FGF14: variants seen among roughly 807,000 people sequenced by gnomAD.
FGF14 encodes fibroblast growth factor 14.
FGF14 carries 5 observed loss-of-function variants against 25.5 expected under a neutral mutation model. The observed-to-expected ratio is 0.20, with a 90% CI of 0.10 to 0.41. The LOEUF (loss-of-function observed/expected upper bound fraction) is 0.41, where lower values mean the gene tolerates loss of function less well. FGF14 is among the 10% of genes least tolerant of loss of function. The probability of loss-of-function intolerance (pLI) is 1.00; values close to 1 mark genes in which losing one functional copy is unlikely to be tolerated. For synonymous variants in FGF14, 138 were observed against 118.3 expected (o/e 1.17, Z -1.08); for missense variants, 222 against 320.1 (o/e 0.69, Z 2.34).
At chr13:101,740,313 G>T (rs567758381) in intron 3 of FGF14, among the ~76,000 whole-genome samples, 1 of 152,236 alleles carries the variant, frequency 6.6e-6, no homozygotes, top group African/African-American at 2.4e-5. Flanking sequence ...TTTTAAGCAG[G>T]AACATGTCAC....
At chr13:102,353,017 A>T (rs1010202942) in intron 1 of FGF14, among the ~76,000 whole-genome samples, 3 of 152,138 alleles carry the variant, frequency 2.0e-5, no homozygotes, top group Non-Finnish European at 4.4e-5. Context: ...TTCTATAAAC[A>T]CTATGTGAAT....
chr13:102,368,120 G>A (rs1594964658), intron 1 of FGF14: 1 of 152,284 alleles, frequency 6.6e-6, no homozygotes, highest in East Asian at 1.9e-4. Context: ...TAAACTTTGT[G>A]TGAGCGAAAA....
At chr13:102,358,746 C>A (rs987862708) in intron 1 of FGF14, among the ~76,000 whole-genome samples, 1 of 152,076 alleles carries the variant, frequency 6.6e-6, no homozygotes, top group Non-Finnish European at 1.5e-5. Flanking sequence ...ATAAAATTTT[C>A]TTTTTCAAAT....
At chr13:102,238,985 T>C (rs1321259585) in intron 1 of FGF14, among the ~76,000 whole-genome samples, 1 of 151,040 alleles carries the variant, frequency 6.6e-6, no homozygotes, top group Non-Finnish European at 1.5e-5. Flanking sequence ...CTTAATGGAG[T>C]GGAAAGCATG....
At chr13:102,204,951 A>G (rs1319340458) in intron 1 of FGF14, among the ~76,000 whole-genome samples, 1 of 152,224 alleles carries the variant, frequency 6.6e-6, no homozygotes, top group African/African-American at 2.4e-5. Flanking sequence ...GCATTCTACA[A>G]AAAGAGATAA....
chr13:102,277,519 A>ATTCCCT (rs901436330), intron 1 of FGF14, among the ~76,000 whole-genome samples: 1 of 152,178 alleles, frequency 6.6e-6, no homozygotes, highest in Non-Finnish European at 1.5e-5. Flanking sequence ...TTTAGACACT[A>ATTCCCT]TTCCCTTTCC....
intron 1 of FGF14, among the ~76,000 whole-genome samples, chr13:102,131,471 T>C (rs1275126133): frequency 2.0e-5 from 3 of 152,168 alleles, no homozygotes; most frequent in Non-Finnish European, 4.4e-5. Flanking sequence ...TCCATGATCC[T>C]CTCCCCTCCC....
intron 1 of FGF14, among the ~76,000 whole-genome samples, chr13:102,277,272 C>T (rs1428027028): frequency 6.6e-6 from 1 of 152,230 alleles, no homozygotes; most frequent in East Asian, 1.9e-4. Flanking sequence ...TTTAAATTTG[C>T]ACATTCCTCA....
chr13:101,930,154 T>C (rs915182245), intron 1 of FGF14, among the ~76,000 whole-genome samples: 8 of 152,176 alleles, frequency 5.3e-5, no homozygotes, highest in African/African-American at 1.9e-4. Context: ...TTCAAAGACA[T>C]GAAATAGTTC....
At chr13:101,889,269 G>A (rs144161662) in intron 1 of FGF14, among the ~76,000 whole-genome samples, 44 of 152,250 alleles carry the variant, frequency 2.9e-4, no homozygotes, top group African/African-American at 9.9e-4. Flanking sequence ...CACGTTCACC[G>A]ATTTAGAGAC....
At chr13:102,326,697 A>AG (rs1490267550) in intron 1 of FGF14, among the ~76,000 whole-genome samples, 658 of 36,542 alleles carry the variant, frequency 0.018, 8 homozygotes, top group African/African-American at 0.071. Context: ...AGGGAAGGGA[A>AG]GGAAGGAAGG....
intron 1 of FGF14, among the ~76,000 whole-genome samples, chr13:102,320,277 A>G (rs76412470): frequency 6.6e-5 from 10 of 151,976 alleles, no homozygotes; most frequent in Non-Finnish European, 1.3e-4. Context: ...AAAAAAAAAA[A>G]ATGACCCTCA....
At chr13:102,378,631 C>CTATATATATA (rs750576641) in intron 1 of FGF14, among the ~76,000 whole-genome samples, 2 of 141,826 alleles carry the variant, frequency 1.4e-5, no homozygotes, top group African/African-American at 5.3e-5. Flanking sequence ...ATCTATCTAT[C>CTATATATATA]TATATATATA....
chr13:102,236,202 A>G (rs2051320503), intron 1 of FGF14, among the ~76,000 whole-genome samples: 1 of 152,154 alleles, frequency 6.6e-6, no homozygotes, highest in African/African-American at 2.4e-5. Context: ...ACTTTCTAAT[A>G]AACTTCTTTC....
At chr13:102,354,418 A>C (rs917293187) in intron 1 of FGF14, among the ~76,000 whole-genome samples, 2 of 152,226 alleles carry the variant, frequency 1.3e-5, no homozygotes, top group African/African-American at 2.4e-5. Flanking sequence ...TCAAAGACTC[A>C]AAAGAATGCC....
At chr13:102,073,129 G>A (rs970748903) in intron 1 of FGF14, among the ~76,000 whole-genome samples, 14 of 152,118 alleles carry the variant, frequency 9.2e-5, no homozygotes, top group Non-Finnish European at 1.3e-4. Context: ...GCACATACCT[G>A]TAGACCCAGC....
intron 3 of FGF14, among the ~76,000 whole-genome samples, chr13:101,738,768 T>C (rs1470314897): frequency 2.6e-5 from 4 of 151,990 alleles, no homozygotes; most frequent in Non-Finnish European, 5.9e-5. Flanking sequence ...ATTAATGAAT[T>C]ATATTGTCTT....
At chr13:101,750,377 G>A (rs536941641) in intron 3 of FGF14, among the ~76,000 whole-genome samples, 1 of 152,090 alleles carries the variant, frequency 6.6e-6, no homozygotes, top group African/African-American at 2.4e-5. Context: ...AAAAAAAAAT[G>A]CAGGATGAAC....
chr13:101,883,603 T>C (rs2045830065), intron 1 of FGF14, among the ~76,000 whole-genome samples: 1 of 151,994 alleles, frequency 6.6e-6, no homozygotes, highest in Admixed American at 6.6e-5. Context: ...AACAGAAAGG[T>C]AATATCCAGC....
Sources: allele counts gnomAD v4.1 joint callset (sites outside exome capture counted in the v4.1 genomes callset), GRCh38; gene constraint gnomAD v4.1.1; transcripts MANE v1.5; gene names NCBI Gene and HGNC (gene_info 2026-07-23, HGNC 2026-07-21).